ARHGEF18: variants seen among roughly 807,000 people sequenced by gnomAD.
ARHGEF18 encodes Rho/Rac guanine nucleotide exchange factor 18.
In ARHGEF18, 93 loss-of-function variants were observed where a neutral mutation model predicts 155.7. That is an observed-to-expected ratio of 0.60 (90% CI 0.50 to 0.71). The LOEUF (loss-of-function observed/expected upper bound fraction) is 0.71, where lower values mean the gene tolerates loss of function less well. Ranked by LOEUF, ARHGEF18 falls within the 30% of genes least tolerant of loss-of-function variation. The pLI, the probability that ARHGEF18 is intolerant of heterozygous loss-of-function variation, is 0.00. For missense variants in ARHGEF18, 1,593 were observed against 1,816.1 expected (o/e 0.88, Z 2.23); for synonymous variants, 742 against 753.1 (o/e 0.99, Z 0.24).
At chr19:7,479,924 TG>T in the ARHGEF18 span, among the ~76,000 whole-genome samples, 1 of 152,138 alleles carries the variant, frequency 6.6e-6, no homozygotes, top group Non-Finnish European at 1.5e-5. Flanking sequence ...GGGAGCTCTC[TG>T]AACGTTATGC....
At chr19:7,406,142 G>A (rs936045701) in intron 10 of ARHGEF18, among the ~76,000 whole-genome samples, 2 of 152,024 alleles carry the variant, frequency 1.3e-5, no homozygotes, top group African/African-American at 4.8e-5. Context: ...GTGCGTTGGC[G>A]CTATCTCGGC....
intron 10 of ARHGEF18, among the ~76,000 whole-genome samples, chr19:7,388,738 G>A (rs527781533): frequency 7.3e-5 from 11 of 150,796 alleles, no homozygotes; most frequent in African/African-American, 2.2e-4. Flanking sequence ...GCGCCACCAC[G>A]CCTGGCTAAT....
At chr19:7,399,325 AT>A (rs1971903782) in intron 10 of ARHGEF18, among the ~76,000 whole-genome samples, 2 of 152,076 alleles carry the variant, frequency 1.3e-5, no homozygotes, top group Non-Finnish European at 2.9e-5. Flanking sequence ...AGTTGTTCTC[AT>A]TTTTGTGATG....
intron 10 of ARHGEF18, among the ~76,000 whole-genome samples, chr19:7,435,788 C>T (rs1424243973): frequency 1.3e-5 from 2 of 152,124 alleles, no homozygotes; most frequent in East Asian, 1.9e-4. Context: ...TTTCAGTGGC[C>T]GCATGTGTTC....
intron 10 of ARHGEF18, among the ~76,000 whole-genome samples, chr19:7,431,494 G>A (rs1204363640): frequency 8.4e-6 from 1 of 119,010 alleles, no homozygotes; most frequent in Non-Finnish European, 1.7e-5. Context: ...CTGGACGACA[G>A]AGTGAGACTC....
intron 26 of ARHGEF18, 32 bp downstream of exon 26, chr19:7,467,716 G>C: frequency 7.0e-7 from 1 of 1,434,320 alleles, no homozygotes; most frequent in East Asian, 2.8e-5. Flanking sequence ...TGCGCAGGTT[G>C]GGGGTGACCG....
intron 20 of ARHGEF18, among the ~76,000 whole-genome samples, chr19:7,461,776 C>A (rs192479805): frequency 1.3e-5 from 2 of 152,056 alleles, no homozygotes; most frequent in Non-Finnish European, 2.9e-5. Flanking sequence ...TGGGCTCAAG[C>A]GATCCTCCTG....
intron 10 of ARHGEF18, among the ~76,000 whole-genome samples, chr19:7,389,760 C>A (rs1024038305): frequency 1.3e-5 from 2 of 152,100 alleles, no homozygotes; most frequent in African/African-American, 4.8e-5. Context: ...GTCTCGAACT[C>A]CTGGCCTCAA....
At chr19:7,453,412 A>C (rs1742627799) in intron 16 of ARHGEF18, 55 bp from the exon 17 acceptor site, 10 of 1,534,694 alleles carry the variant, frequency 6.5e-6, no homozygotes, top group Admixed American at 2.0e-5. Context: ...GAGTGTGTCC[A>C]CTTCTGTTGT....
intron 10 of ARHGEF18, among the ~76,000 whole-genome samples, chr19:7,389,467 TCTTCCTTC>T (rs763209593): frequency 2.0e-5 from 3 of 148,152 alleles, no homozygotes; most frequent in Non-Finnish European, 4.5e-5. Flanking sequence ...CCCTACATTT[TCTTCCTTC>T]CTTCCTTCCT....
intron 3 of ARHGEF18, among the ~76,000 whole-genome samples, 180 bp from the exon 4 acceptor site, chr19:7,375,540 T>G (rs571610707): frequency 1.3e-5 from 2 of 152,112 alleles, no homozygotes; most frequent in Non-Finnish European, 2.9e-5. Flanking sequence ...CTTTGTCCTC[T>G]CCCCCTTGCC....
chr19:7,465,679 G>A (rs781622044), intron 23 of ARHGEF18, among the ~76,000 whole-genome samples: 33 of 152,290 alleles, frequency 2.2e-4, no homozygotes, highest in Non-Finnish European at 4.6e-4. Context: ...AAAGTGTTGG[G>A]ATTATAGGCA....
intron 17 of ARHGEF18, among the ~76,000 whole-genome samples, chr19:7,454,215 G>A (rs935502423): frequency 6.6e-6 from 1 of 150,666 alleles, no homozygotes; most frequent in South Asian, 2.1e-4. Context: ...CATCTTGGTG[G>A]GTTCCCTCTT....
rs547346117 is a variant in ARHGEF18, at chr19:7,350,533, G to A, written c.-111+1292G>A. Among the ~76,000 whole-genome samples the A allele has an allele frequency of 5.3e-5, 8 of 152,258 alleles. No homozygotes were observed. The East Asian group carries it at 9.7e-4, about 18-fold the overall frequency. On this transcript the variant is annotated intron_variant, in intron 1 of 28. Transcript: ENST00000668164. The stretch of plus-strand genomic sequence containing the variant: ...AGTAGATGGCAACTGCAAACACGTC[G>A]GTGCTTCTGGTCTGGGCTGTCTCCC...
chr19:7,446,712 G>A (rs34243186), intron 14 of ARHGEF18, among the ~76,000 whole-genome samples: 31,293 of 151,732 alleles, frequency 0.21, 3,423 homozygotes, highest in Admixed American at 0.23. Flanking sequence ...CTGCACTCCA[G>A]CCTGGGCAAC....
chr19:7,453,561 G>C lies in ARHGEF18; in HGVS notation c.1950G>C (p.Lys650Asn), dbSNP rs892238770. ...ACGCCAAGGTCAGTGAGTGTGAGAA[G>C]GGCCAGCGCCTCAGGGAGATCGCAG... ...QVDAKVSECE[K>N]GQRLREIAGK... The change falls in exon 17 of 29, where the codon AAG becomes AAC. Residue 650 changes from lysine (K) to asparagine (N), a missense_variant. Lys to Asn is a moderately conservative substitution (Grantham distance 94). Coordinates refer to ENST00000668164, the MANE Select transcript of ARHGEF18 (RefSeq NM_001367823.1). 6.2e-7 allele frequency: 1 copy of C among 1,614,132 alleles called. No individual in the cohort carries two copies. The highest frequency in any genetic ancestry group is 1.1e-5 in the South Asian group (1 of 91,070).
intron 10 of ARHGEF18, among the ~76,000 whole-genome samples, chr19:7,409,588 C>T (rs140550821): frequency 1.1e-4 from 16 of 151,338 alleles, no homozygotes; most frequent in Non-Finnish European, 1.9e-4. Context: ...CCACCACCTC[C>T]AGCTAATTTT....
At position 7,463,864 on chromosome 19, in the gene ARHGEF18, C is replaced by T. The variant is rs368917583; in HGVS notation, c.2682C>T (p.Asn894=). The T allele has an allele frequency of 1.5e-5, 24 of 1,605,148 alleles. No individual in the cohort carries two copies. The highest frequency in any genetic ancestry group is 1.7e-4 in the Middle Eastern group (1 of 6,042). The change falls in exon 22 of 29, where the codon AAC becomes AAT. Residue 894 remains asparagine (N), a synonymous_variant. Transcript: ENST00000668164. The surrounding 1 kb of genome is among the most constrained non-coding windows in gnomAD (Gnocchi z 5.2). ...SLICRQLGSA[N]GQAEDGGSST... is the part of the protein sequence containing the mutation. ...TCTGCAGGCAGCTGGGCAGCGCCAA[C>T]GGCCAGGCGGAAGACGGAGGCAGCT...
intron 22 of ARHGEF18, among the ~76,000 whole-genome samples, chr19:7,464,258 G>A (rs937552018): frequency 3.9e-5 from 6 of 152,112 alleles, no homozygotes; most frequent in Middle Eastern, 6.8e-3. Context: ...GGCTGGTCTC[G>A]AACTCCTGAC....
Sources: allele counts gnomAD v4.1 joint callset (sites outside exome capture counted in the v4.1 genomes callset), GRCh38; gene constraint gnomAD v4.1.1; non-coding constraint Gnocchi (gnomAD v3.1); transcripts MANE v1.5; gene names NCBI Gene and HGNC (gene_info 2026-07-23, HGNC 2026-07-21).